The following ACOT12 variants were observed in gnomAD, a reference collection of about 807,000 sequenced individuals.
ACOT12 encodes the protein acyl-CoA thioesterase 12.
A neutral mutation model predicts 67.7 loss-of-function variants in ACOT12; 51 were observed. The ratio of observed to expected loss-of-function variants is 0.75; its 90% CI spans 0.60 to 0.95. ACOT12 has a LOEUF of 0.95. Ranked by LOEUF, ACOT12 falls within the 40% of genes least tolerant of loss-of-function variation. ACOT12 has a pLI of 0.00. For synonymous variants in ACOT12, 251 were observed against 244.6 expected, an observed-to-expected ratio of 1.03 and a Z score of -0.24; for missense variants, 734 against 708.1, an observed-to-expected ratio of 1.04 and a Z score of -0.41.
the ACOT12 span, chr5:81,312,862 G>A: frequency 1.8e-5 from 7 of 389,598 alleles, no homozygotes; most frequent in African/African-American, 1.0e-4. Context: ...TTGAAGAAAA[G>A]AATAAGATGA....
chr5:81,319,414 CT>C, the ACOT12 span, among the ~76,000 whole-genome samples: 2 of 152,174 alleles, frequency 1.3e-5, no homozygotes, highest in South Asian at 2.1e-4. Flanking sequence ...ATCTTCAACA[CT>C]TTCAAAAGAA....
chr5:81,346,852 A>C (rs950072467), intron 6 of ACOT12, among the ~76,000 whole-genome samples: 16 of 152,188 alleles, frequency 1.1e-4, no homozygotes, highest in African/African-American at 3.6e-4. Flanking sequence ...CAACCTTAAA[A>C]ATTTTCAATG....
chr5:81,310,851 T>G, the ACOT12 span, among the ~76,000 whole-genome samples: 6 of 152,232 alleles, frequency 3.9e-5, no homozygotes, highest in African/African-American at 1.4e-4. Flanking sequence ...GTGCATCTGC[T>G]TACATCTTTT....
chr5:81,315,935 G>A, the ACOT12 span, among the ~76,000 whole-genome samples: 5 of 152,232 alleles, frequency 3.3e-5, no homozygotes, highest in East Asian at 1.9e-4. Context: ...TATATGTGTC[G>A]TTTTTGTCCC....
intron 11 of ACOT12, 98 bp downstream of exon 11, chr5:81,342,574 C>G: frequency 8.3e-7 from 1 of 1,205,160 alleles, no homozygotes; most frequent in African/African-American, 1.5e-5. Flanking sequence ...GATTTTGTTA[C>G]CTTCTTAAAA....
chr5:81,312,482 A>G, the ACOT12 span: 1 of 1,310,092 alleles, frequency 7.6e-7, no homozygotes, highest in East Asian at 2.3e-5. Context: ...ACCAATAACA[A>G]TCTGAGTGGA....
intron 2 of ACOT12, among the ~76,000 whole-genome samples, chr5:81,384,367 A>G (rs1760671413): frequency 6.6e-6 from 1 of 151,804 alleles, no homozygotes; most frequent in Non-Finnish European, 1.5e-5. Flanking sequence ...TGAACTGCTG[A>G]CCTCAGGTGA....
At chr5:81,359,714 C>T in intron 5 of ACOT12, 189 bp downstream of exon 5, 1 of 542,598 alleles carries the variant, frequency 1.8e-6, no homozygotes, top group Non-Finnish European at 3.1e-6. Flanking sequence ...TTTAAAGAGG[C>T]CTTAGGTGTC....
intron 4 of ACOT12, 90 bp from the exon 5 acceptor site, chr5:81,360,128 G>A (rs905553998): frequency 1.5e-6 from 2 of 1,316,806 alleles, no homozygotes; most frequent in Non-Finnish European, 2.1e-6. Flanking sequence ...ATGCTACATG[G>A]TTTTCTAACT....
chr5:81,343,999 G>A (rs1361602403), intron 9 of ACOT12, 118 bp from the exon 10 acceptor site: 8 of 1,211,304 alleles, frequency 6.6e-6, no homozygotes, highest in Non-Finnish European at 8.3e-6. Context: ...GAACAACGTG[G>A]AAGAACTATT....
Position 81,386,994 on chromosome 5 carries a change from C to CTTTTTTTT in ACOT12, c.128-1169_128-1168insAAAAAAAA, listed in dbSNP as rs1052387807. Among the ~76,000 whole-genome samples the CTTTTTTTT allele has an allele frequency of 5.5e-3, 701 of 128,386 alleles. 3 individuals are homozygous for CTTTTTTTT. Among genetic ancestry groups the CTTTTTTTT allele is most frequent in the African/African-American group, 7.8e-3 (239 of 30,818 alleles). 84.2% of individuals were successfully genotyped at this position (128,386 alleles called of 152,430 possible). On this transcript the variant is annotated intron_variant, in intron 1 of 14. Transcript: ENST00000307624. ...TCCAGACACTGAGTTGGATGAGTTCCATTTTTTTTTTTTTTTTTTTTTTTC... is the reference window on the plus strand; with the variant it reads ...TCCAGACACTGAGTTGGATGAGTTCCTTTTTTTTATTTTTTTTTTTTTTTTTTTTTTTC...
intron 2 of ACOT12, among the ~76,000 whole-genome samples, chr5:81,375,551 G>A (rs1760385567): frequency 6.6e-6 from 1 of 151,908 alleles, no homozygotes; most frequent in Non-Finnish European, 1.5e-5. Flanking sequence ...TGGCAAATTG[G>A]ATAGAGTCAA....
intron 2 of ACOT12, among the ~76,000 whole-genome samples, chr5:81,385,298 A>G (rs1397911219): frequency 6.6e-6 from 1 of 151,986 alleles, no homozygotes; most frequent in Non-Finnish European, 1.5e-5. Context: ...AAATAAATAA[A>G]TAAATACAAA....
intron 11 of ACOT12, among the ~76,000 whole-genome samples, chr5:81,340,794 TC>T (rs372223296): frequency 3.3e-5 from 5 of 152,344 alleles, no homozygotes; most frequent in African/African-American, 1.2e-4. Flanking sequence ...GGAGGAAAAC[TC>T]TTCAAAAACA....
the ACOT12 span, chr5:81,309,108 A>G: frequency 1.7e-6 from 2 of 1,145,550 alleles, no homozygotes; most frequent in Admixed American, 2.5e-5. Flanking sequence ...TTTACACTCA[A>G]TCACAGTTCT....
At chr5:81,345,262 ATTTTAC>A (rs1759344974) in intron 7 of ACOT12, among the ~76,000 whole-genome samples, 1 of 152,036 alleles carries the variant, frequency 6.6e-6, no homozygotes, top group Admixed American at 6.5e-5. Context: ...GAGCATTTCC[ATTTTAC>A]TTCCCCACTT....
At chr5:81,391,160 C>A (rs1273507507) in intron 1 of ACOT12, among the ~76,000 whole-genome samples, 1 of 152,176 alleles carries the variant, frequency 6.6e-6, no homozygotes, top group Non-Finnish European at 1.5e-5. Flanking sequence ...ATACATGATT[C>A]AAGATTTGCC....
chr5:81,351,678 C>T (rs6873953), intron 5 of ACOT12, among the ~76,000 whole-genome samples: 55,654 of 151,990 alleles, frequency 0.37, 10,503 homozygotes, highest in Non-Finnish European at 0.42. Context: ...GGAAACTCTC[C>T]AGGACATTGG....
the ACOT12 span, among the ~76,000 whole-genome samples, chr5:81,316,423 T>G: frequency 0.064 from 9,735 of 152,284 alleles, 389 homozygotes; most frequent in East Asian, 0.18. Context: ...TTTTTGTGAT[T>G]GGCTTCCTTC....
Sources: allele counts gnomAD v4.1 joint callset (sites outside exome capture counted in the v4.1 genomes callset), GRCh38; gene constraint gnomAD v4.1.1; transcripts MANE v1.5; gene names NCBI Gene and HGNC (gene_info 2026-07-23, HGNC 2026-07-21).